The following C1QTNF3 variants were observed in gnomAD, a reference collection of about 807,000 sequenced individuals.
C1QTNF3 encodes the protein C1q and TNF related 3, also known as complement C1q tumor necrosis factor-related protein 3.
C1QTNF3 carries 26 observed loss-of-function variants against 32.6 expected under a neutral mutation model. That is an observed-to-expected ratio of 0.80 (90% CI 0.58 to 1.11). C1QTNF3 has a LOEUF of 1.11. C1QTNF3 is among the 50% of genes least tolerant of loss of function. The probability of loss-of-function intolerance (pLI) is 0.00; values close to 1 mark genes in which losing one functional copy is unlikely to be tolerated. For synonymous variants in C1QTNF3, 155 were observed against 146.0 expected (o/e 1.06, Z -0.44); for missense variants, 362 against 398.2 (o/e 0.91, Z 0.77).
the C1QTNF3 span, among the ~76,000 whole-genome samples, chr5:34,220,533 G>GCA: frequency 6.7e-5 from 10 of 149,814 alleles, no homozygotes; most frequent in East Asian, 5.9e-4. Context: ...ACACGCACAA[G>GCA]CACACACACA....
At chr5:34,037,799 G>C (rs1486104203) in intron 1 of C1QTNF3, among the ~76,000 whole-genome samples, 1 of 152,190 alleles carries the variant, frequency 6.6e-6, no homozygotes, top group Non-Finnish European at 1.5e-5. Context: ...AGGACACTTG[G>C]AAAGTCAAAG....
At chr5:34,039,135 G>A (rs1420115172) in intron 1 of C1QTNF3, among the ~76,000 whole-genome samples, 1 of 152,070 alleles carries the variant, frequency 6.6e-6, no homozygotes, top group Non-Finnish European at 1.5e-5. Context: ...AGTGAGCATG[G>A]TTACAACTCC....
chr5:34,139,616 A>C, the C1QTNF3 span, among the ~76,000 whole-genome samples: 3 of 151,210 alleles, frequency 2.0e-5, no homozygotes, highest in African/African-American at 7.4e-5. Flanking sequence ...ATTTTTTTTT[A>C]CTTGACAAAC....
the C1QTNF3 span, among the ~76,000 whole-genome samples, chr5:34,211,449 G>C: frequency 2.6e-5 from 4 of 151,522 alleles, no homozygotes; most frequent in Non-Finnish European, 5.9e-5. Context: ...GTGCAGGTTA[G>C]TTACATATGT....
At chr5:34,164,190 A>G in the C1QTNF3 span, among the ~76,000 whole-genome samples, 2 of 152,114 alleles carry the variant, frequency 1.3e-5, no homozygotes, top group Admixed American at 6.6e-5. Flanking sequence ...TTACAGCAAA[A>G]CGGTGGACTC....
At chr5:34,236,676 G>A in the C1QTNF3 span, among the ~76,000 whole-genome samples, 1 of 139,494 alleles carries the variant, frequency 7.2e-6, no homozygotes, top group East Asian at 2.4e-4. Context: ...CCAGGTTCAA[G>A]TGATTCTCCT....
chr5:34,043,788 C>T (rs890949), upstream of C1QTNF3: 108,834 of 152,138 alleles, frequency 0.72, 39,139 homozygotes, highest in East Asian at 0.87. Context: ...TATTTCGCCA[C>T]CCTCAGCTTT....
At chr5:34,061,244 G>C in the C1QTNF3 span, among the ~76,000 whole-genome samples, 5 of 152,334 alleles carry the variant, frequency 3.3e-5, no homozygotes, top group South Asian at 4.1e-4. Flanking sequence ...GTACTGGGCA[G>C]CTTGGCCCCT....
the C1QTNF3 span, among the ~76,000 whole-genome samples, chr5:34,145,282 A>G: frequency 2.6e-5 from 4 of 152,284 alleles, no homozygotes; most frequent in African/African-American, 9.6e-5. Context: ...ACAACAGCAC[A>G]AGAAGAAAAT....
chr5:34,130,175 G>C, the C1QTNF3 span, among the ~76,000 whole-genome samples: 16 of 151,526 alleles, frequency 1.1e-4, no homozygotes, highest in African/African-American at 3.6e-4. Flanking sequence ...AAATATATAT[G>C]TGCATATATA....
chr5:34,228,084 TAATC>T, the C1QTNF3 span, among the ~76,000 whole-genome samples: 1 of 151,934 alleles, frequency 6.6e-6, no homozygotes, highest in African/African-American at 2.4e-5. Flanking sequence ...TTTTGTCAAT[TAATC>T]AGACTTCACT....
chr5:34,142,451 A>C, the C1QTNF3 span, among the ~76,000 whole-genome samples: 1 of 151,302 alleles, frequency 6.6e-6, no homozygotes, highest in African/African-American at 2.4e-5. Flanking sequence ...AAAAACAGAA[A>C]AGAAAAGACA....
the C1QTNF3 span, among the ~76,000 whole-genome samples, chr5:34,177,046 C>T: frequency 2.6e-5 from 4 of 151,868 alleles, no homozygotes; most frequent in African/African-American, 7.3e-5. Context: ...GCTAAATATT[C>T]GCTAGGTGTA....
At chr5:34,120,500 G>A in the C1QTNF3 span, among the ~76,000 whole-genome samples, 10 of 152,076 alleles carry the variant, frequency 6.6e-5, no homozygotes, top group Non-Finnish European at 1.3e-4. Context: ...CTTAATACCT[G>A]GTATGATTTG....
chr5:34,219,762 C>T, the C1QTNF3 span, among the ~76,000 whole-genome samples: 1 of 152,028 alleles, frequency 6.6e-6, no homozygotes, highest in South Asian at 2.1e-4. Context: ...GGCATGTATT[C>T]CCATGCCTAG....
chr5:34,134,463 C>T, the C1QTNF3 span, among the ~76,000 whole-genome samples: 1 of 152,194 alleles, frequency 6.6e-6, no homozygotes, highest in African/African-American at 2.4e-5. Flanking sequence ...TAAAGGTGGA[C>T]CCAAGTCACT....
At chr5:34,227,553 T>G in the C1QTNF3 span, among the ~76,000 whole-genome samples, 9 of 151,878 alleles carry the variant, frequency 5.9e-5, no homozygotes, top group African/African-American at 2.2e-4. Context: ...TTTTCATAAA[T>G]CTCCAAAAAT....
intron 4 of C1QTNF3, chr5:34,024,551 C>A (rs919704222): frequency 3.3e-5 from 5 of 153,210 alleles, no homozygotes; most frequent in Non-Finnish European, 7.3e-5. Context: ...TCATGCTATA[C>A]CTTGTATGTT....
At chr5:34,127,891 C>T in the C1QTNF3 span, among the ~76,000 whole-genome samples, 1 of 151,562 alleles carries the variant, frequency 6.6e-6, no homozygotes, top group Non-Finnish European at 1.5e-5. Flanking sequence ...AAATAAAAAC[C>T]CATTTTCTGG....
Sources: allele counts gnomAD v4.1 joint callset (sites outside exome capture counted in the v4.1 genomes callset), GRCh38; gene constraint gnomAD v4.1.1; transcripts MANE v1.5; gene names NCBI Gene and HGNC (gene_info 2026-07-23, HGNC 2026-07-21).